The following TENM3 variants were observed in gnomAD, a reference collection of about 807,000 sequenced individuals.
TENM3 encodes the protein teneurin transmembrane protein 3.
Under a neutral mutation model 255.1 loss-of-function variants are expected in TENM3, and 63 were observed. The observed-to-expected ratio is 0.25, with a 90% CI of 0.20 to 0.30. TENM3 has a LOEUF of 0.30. TENM3 is among the 10% of genes least tolerant of loss of function. The probability of loss-of-function intolerance (pLI) is 1.00; values close to 1 mark genes in which losing one functional copy is unlikely to be tolerated. For synonymous variants in TENM3, 1,306 were observed against 1,322.3 expected (o/e 0.99, Z 0.27); for missense variants, 2,929 against 3,461.1 (o/e 0.85, Z 3.86).
chr4:181,948,441 A>C, the TENM3 span, among the ~76,000 whole-genome samples: 1 of 152,086 alleles, frequency 6.6e-6, no homozygotes, highest in African/African-American at 2.4e-5. Flanking sequence ...TTTAAGATGG[A>C]GTCTGGCTCT....
At chr4:182,520,410 T>TA (rs1560865076) in intron 3 of TENM3, among the ~76,000 whole-genome samples, 1 of 152,198 alleles carries the variant, frequency 6.6e-6, no homozygotes, top group African/African-American at 2.4e-5. Flanking sequence ...GACAAGCCCA[T>TA]AGATGTGTAT....
intron 1 of TENM3, among the ~76,000 whole-genome samples, chr4:182,233,333 G>C (rs1756696342): frequency 6.6e-6 from 1 of 152,326 alleles, no homozygotes; most frequent in Admixed American, 6.5e-5. Flanking sequence ...GGCGGCTCCT[G>C]GCCTGCCAGG....
chr4:181,631,241 A>G, the TENM3 span, among the ~76,000 whole-genome samples: 2 of 151,452 alleles, frequency 1.3e-5, no homozygotes, highest in African/African-American at 2.4e-5. Flanking sequence ...AATCTCCACC[A>G]TAGGCTCTCT....
rs183374276 is a variant in TENM3 at position 182,775,039 on chromosome 4, G to A, written c.5190G>A (p.Thr1730=). The A allele has an allele frequency of 5.2e-3, 8,365 of 1,613,922 alleles. 25 individuals are homozygous for A. Among genetic ancestry groups the A allele is most frequent in the Non-Finnish European group, 6.4e-3 (7,567 of 1,179,894 alleles). The change falls in exon 24 of 28, where the codon ACG becomes ACA. Residue 1730 remains threonine, a synonymous_variant. Coordinates refer to ENST00000511685, the MANE Select transcript of TENM3 (RefSeq NM_001080477.4). ...PHVLAGTANP[T]VAKRNMTLPG... Reference sequence around the variant, plus strand: ...TTCTGGCTGGCACCGCTAATCCGACGGTTGCCAAAAGAAACATGACTTTGC... The same window carrying A: ...TTCTGGCTGGCACCGCTAATCCGACAGTTGCCAAAAGAAACATGACTTTGC...
At chr4:181,922,866 G>A in the TENM3 span, among the ~76,000 whole-genome samples, 1 of 151,898 alleles carries the variant, frequency 6.6e-6, no homozygotes, top group Non-Finnish European at 1.5e-5. Flanking sequence ...TCTCTTGTGG[G>A]CATTCAGTGC....
the TENM3 span, among the ~76,000 whole-genome samples, chr4:182,025,079 A>G: frequency 7.3e-6 from 1 of 136,058 alleles, no homozygotes; most frequent in Admixed American, 7.7e-5. Context: ...CCCAGGCTGG[A>G]GTGCAGTGGC....
chr4:182,242,016 CT>C (rs113421695), upstream of TENM3, among the ~76,000 whole-genome samples: 2,185 of 103,994 alleles, frequency 0.021, 205 homozygotes, highest in African/African-American at 0.083. Flanking sequence ...TTTTTTTTTC[CT>C]CTCTCTTTTT....
At chr4:182,765,727 G>A (rs1763662295) in intron 22 of TENM3, among the ~76,000 whole-genome samples, 1 of 152,130 alleles carries the variant, frequency 6.6e-6, no homozygotes, top group Non-Finnish European at 1.5e-5. Flanking sequence ...GCATGACTGT[G>A]AGAGTCAGAG....
At chr4:182,047,551 A>C in the TENM3 span, among the ~76,000 whole-genome samples, 3 of 89,886 alleles carry the variant, frequency 3.3e-5, no homozygotes, top group African/African-American at 9.3e-5. Flanking sequence ...ACAGAACGAG[A>C]CTCCATCTCA....
At chr4:181,686,365 A>G in the TENM3 span, among the ~76,000 whole-genome samples, 2 of 152,308 alleles carry the variant, frequency 1.3e-5, no homozygotes, top group Admixed American at 6.5e-5. Flanking sequence ...AAGCAGTGCC[A>G]CTTAATTGTT....
intron 22 of TENM3, among the ~76,000 whole-genome samples, chr4:182,769,229 TTTC>T (rs1370496734): frequency 6.6e-6 from 1 of 152,158 alleles, no homozygotes; most frequent in African/African-American, 2.4e-5. Flanking sequence ...GTGCATTGGT[TTTC>T]TTCTTTTGTG....
chr4:182,657,488 C>T (rs1259120643), intron 6 of TENM3, among the ~76,000 whole-genome samples: 1 of 152,158 alleles, frequency 6.6e-6, no homozygotes, highest in Admixed American at 6.5e-5. Flanking sequence ...CGGGGGTCCT[C>T]TTGATCCCAT....
At chr4:182,669,137 G>A (rs1246137883) in intron 6 of TENM3, among the ~76,000 whole-genome samples, 2 of 152,132 alleles carry the variant, frequency 1.3e-5, no homozygotes, top group East Asian at 3.8e-4. Flanking sequence ...TCTTAGAGGG[G>A]AAGAGAACAG....
intron 4 of TENM3, among the ~76,000 whole-genome samples, chr4:182,620,249 A>C (rs1170403591): frequency 6.6e-6 from 1 of 152,186 alleles, no homozygotes; most frequent in Non-Finnish European, 1.5e-5. Context: ...GCCGAATTTC[A>C]GTATTCCATT....
chr4:182,584,906 TGCAGGGATTACAG>T, intron 3 of TENM3, among the ~76,000 whole-genome samples: 1 of 152,236 alleles, frequency 6.6e-6, no homozygotes, highest in Middle Eastern at 3.4e-3. Context: ...CCTCCCAAAG[TGCAGGGATTACAG>T]GCGTGAGCCA....
At chr4:182,773,897 A>T (rs1276443680) in intron 23 of TENM3, 1 of 323,866 alleles carries the variant, frequency 3.1e-6, no homozygotes, top group African/African-American at 2.1e-5. Context: ...AAACAACTTC[A>T]TTCCAGCCCT....
the TENM3 span, among the ~76,000 whole-genome samples, chr4:181,468,849 T>C: frequency 6.6e-6 from 1 of 152,248 alleles, no homozygotes; most frequent in Non-Finnish European, 1.5e-5. Flanking sequence ...TCAGCTTTCC[T>C]CACAAATACA....
chr4:182,205,564 C>A (rs969767867), intron 1 of TENM3, among the ~76,000 whole-genome samples: 1 of 152,258 alleles, frequency 6.6e-6, no homozygotes, highest in Non-Finnish European at 1.5e-5. Context: ...AGCCTTTCTC[C>A]TCATGGGTGC....
At chr4:181,580,273 C>A in the TENM3 span, among the ~76,000 whole-genome samples, 1 of 152,100 alleles carries the variant, frequency 6.6e-6, no homozygotes, top group African/African-American at 2.4e-5. Flanking sequence ...TCTGGGATTA[C>A]AAACGTGAGC....
Sources: allele counts gnomAD v4.1 joint callset (sites outside exome capture counted in the v4.1 genomes callset), GRCh38; gene constraint gnomAD v4.1.1; transcripts MANE v1.5; gene names NCBI Gene and HGNC (gene_info 2026-07-23, HGNC 2026-07-21).